The following TRPM3 variants were observed in gnomAD, a reference collection of about 807,000 sequenced individuals.
TRPM3 encodes the protein transient receptor potential cation channel subfamily M member 3, also known as long transient receptor potential channel 3.
Under a neutral mutation model 181.2 loss-of-function variants are expected in TRPM3, and 77 were observed. The observed-to-expected ratio is 0.42, with a 90% CI of 0.35 to 0.51. TRPM3 has a LOEUF of 0.51. Among genes scored for constraint, TRPM3 ranks in the 20% least tolerant of loss-of-function variants. The pLI, the probability that TRPM3 is intolerant of heterozygous loss-of-function variation, is 0.01. For synonymous variants in TRPM3, 745 were observed against 796.4 expected (o/e 0.94, Z 1.09); for missense variants, 1,759 against 2,196.7 (o/e 0.80, Z 3.98).
chr9:71,210,660 C>G (rs2079436189), intron 1 of TRPM3, among the ~76,000 whole-genome samples: 1 of 152,146 alleles, frequency 6.6e-6, no homozygotes, highest in African/African-American at 2.4e-5. Context: ...TGCCCAAGAA[C>G]AAGATATTGT....
chr9:70,925,202 C>T (rs928342476), intron 1 of TRPM3, among the ~76,000 whole-genome samples: 5 of 152,108 alleles, frequency 3.3e-5, no homozygotes, highest in Non-Finnish European at 7.3e-5. Context: ...TGATTTGAGC[C>T]AGGTTGCTTA....
intron 1 of TRPM3, among the ~76,000 whole-genome samples, chr9:71,361,729 C>A (rs1213111604): frequency 6.6e-6 from 1 of 152,082 alleles, no homozygotes; most frequent in African/African-American, 2.4e-5. Context: ...GTCTCCAGTG[C>A]CTATGAATTA....
chr9:70,749,189 G>A (rs2075706993), intron 8 of TRPM3, among the ~76,000 whole-genome samples: 1 of 152,158 alleles, frequency 6.6e-6, no homozygotes, highest in African/African-American at 2.4e-5. Flanking sequence ...CCAGACAAAA[G>A]TTGGTTTATT....
At chr9:70,673,186 T>A (rs980486446) in intron 9 of TRPM3, among the ~76,000 whole-genome samples, 1 of 152,164 alleles carries the variant, frequency 6.6e-6, no homozygotes, top group African/African-American at 2.4e-5. Flanking sequence ...AGTGGATATT[T>A]GGCTTCCAGG....
At chr9:71,195,608 T>C (rs1343522350) in intron 1 of TRPM3, among the ~76,000 whole-genome samples, 1 of 152,120 alleles carries the variant, frequency 6.6e-6, no homozygotes, top group Non-Finnish European at 1.5e-5. Context: ...CATTACTGGG[T>C]ATGTATCCAA....
intron 1 of TRPM3, among the ~76,000 whole-genome samples, chr9:70,997,830 T>C (rs2097555547): frequency 1.3e-5 from 2 of 152,114 alleles, no homozygotes; most frequent in African/African-American, 4.8e-5. Context: ...GGGTGAACTG[T>C]TGTATCCTTC....
intron 6 of TRPM3, among the ~76,000 whole-genome samples, chr9:70,798,585 C>A (rs1277105658): frequency 6.6e-6 from 1 of 152,136 alleles, no homozygotes; most frequent in Non-Finnish European, 1.5e-5. Flanking sequence ...CTGACAGACT[C>A]CCCAGCCCTC....
At chr9:71,220,797 CA>C (rs1317307991) in intron 1 of TRPM3, among the ~76,000 whole-genome samples, 2 of 152,164 alleles carry the variant, frequency 1.3e-5, no homozygotes, top group Admixed American at 1.3e-4. Flanking sequence ...GACCACCCTC[CA>C]AAGAGCGCTC....
intron 1 of TRPM3, among the ~76,000 whole-genome samples, chr9:71,077,418 C>A (rs559699361): frequency 6.6e-6 from 1 of 152,342 alleles, no homozygotes; most frequent in Admixed American, 6.5e-5. Flanking sequence ...CATCATCACA[C>A]ACTCCTCAAT....
intron 1 of TRPM3, among the ~76,000 whole-genome samples, chr9:71,132,623 A>T (rs1329177128): frequency 6.6e-6 from 1 of 152,180 alleles, no homozygotes; most frequent in Admixed American, 6.6e-5. Flanking sequence ...TACATTAGGA[A>T]AATGTATTGT....
chr9:71,351,592 GA>G (rs1357886295), intron 1 of TRPM3, among the ~76,000 whole-genome samples: 12 of 152,250 alleles, frequency 7.9e-5, no homozygotes, highest in South Asian at 2.1e-4. Context: ...ACAAAGCAAT[GA>G]AAATGAATGT....
At chr9:71,275,959 A>C (rs2084179709) in intron 1 of TRPM3, among the ~76,000 whole-genome samples, 1 of 151,588 alleles carries the variant, frequency 6.6e-6, no homozygotes, top group Non-Finnish European at 1.5e-5. Context: ...CTCCTGCCTC[A>C]GCCTCCAGAG....
chr9:70,942,533 T>C (rs1309509560), intron 1 of TRPM3, among the ~76,000 whole-genome samples: 1 of 152,258 alleles, frequency 6.6e-6, no homozygotes, highest in Non-Finnish European at 1.5e-5. Flanking sequence ...GAAATTTCAC[T>C]GTACAAGGCT....
chr9:70,666,958 C>A (rs2061930089), intron 9 of TRPM3, among the ~76,000 whole-genome samples: 1 of 151,790 alleles, frequency 6.6e-6, no homozygotes, highest in South Asian at 2.1e-4. Context: ...CTTTCTAGTT[C>A]TTAAAACAAT....
intron 7 of TRPM3, among the ~76,000 whole-genome samples, chr9:70,777,982 AACAGAC>A (rs201937049): frequency 1.2e-4 from 18 of 148,728 alleles, no homozygotes; most frequent in South Asian, 4.2e-4. Flanking sequence ...ATATAAATTT[AACAGAC>A]ACAGACACAC....
intron 1 of TRPM3, among the ~76,000 whole-genome samples, chr9:70,976,234 T>G (rs2097301510): frequency 6.6e-6 from 1 of 152,156 alleles, no homozygotes. Context: ...CAAGGTGGAT[T>G]GAGCATCCTC....
At chr9:71,408,984 A>T (rs1056613128) in intron 1 of TRPM3, among the ~76,000 whole-genome samples, 7 of 152,198 alleles carry the variant, frequency 4.6e-5, no homozygotes, top group Non-Finnish European at 8.8e-5. Flanking sequence ...TCAACCCAGA[A>T]TTTCATATCC....
chr9:70,606,649 G>GTATA (rs199770909), intron 19 of TRPM3, among the ~76,000 whole-genome samples: 11,046 of 77,268 alleles, frequency 0.14, 507 homozygotes, highest in East Asian at 0.43. Context: ...GTGTGTGTGT[G>GTATA]TGTATATATA....
intron 1 of TRPM3, among the ~76,000 whole-genome samples, chr9:70,956,688 C>A (rs1324805392): frequency 6.6e-6 from 1 of 152,016 alleles, no homozygotes; most frequent in East Asian, 1.9e-4. Context: ...ACTTTGACAG[C>A]AGCCTGGGCA....
Sources: allele counts gnomAD v4.1 joint callset (sites outside exome capture counted in the v4.1 genomes callset), GRCh38; gene constraint gnomAD v4.1.1; transcripts MANE v1.5; gene names NCBI Gene and HGNC (gene_info 2026-07-23, HGNC 2026-07-21).